NR1D2: variants seen among roughly 807,000 people sequenced by gnomAD.
NR1D2 encodes the protein V-erbA-related protein 1-related.
A neutral mutation model predicts 52.2 loss-of-function variants in NR1D2; 25 were observed. The observed-to-expected ratio is 0.48, with a 90% CI of 0.35 to 0.67. NR1D2 has a LOEUF of 0.67. Ranked by LOEUF, NR1D2 falls within the 30% of genes least tolerant of loss-of-function variation. The probability of loss-of-function intolerance (pLI) is 0.01; values close to 1 mark genes in which losing one functional copy is unlikely to be tolerated. For synonymous variants in NR1D2, 259 were observed against 230.1 expected (o/e 1.13, Z -1.14); for missense variants, 681 against 707.2 (o/e 0.96, Z 0.42).
chr3:23,962,683 A>C lies in NR1D2; in HGVS notation c.1146+78A>C, dbSNP rs1706316512. The C allele has an allele frequency of 5.2e-6, 7 of 1,353,158 alleles. No homozygotes were observed. The East Asian group carries it at 1.6e-4, about 31-fold the overall frequency. 83.8% of individuals were successfully genotyped at this position (1,353,158 alleles called of 1,614,324 possible). ...TTTTCTTTTATTCGGGAGATATGCT[A>C]ACTTGGGGGGATGGTGTCAGGAAAC... On this transcript the variant is annotated intron_variant, in intron 5 of 7. Coordinates refer to ENST00000312521, the MANE Select transcript of NR1D2 (RefSeq NM_005126.5).
At chr3:23,957,007 A>G (rs1462161539) in intron 3 of NR1D2, among the ~76,000 whole-genome samples, 2 of 149,432 alleles carry the variant, frequency 1.3e-5, no homozygotes, top group African/African-American at 4.9e-5. Flanking sequence ...TTTTAGATGG[A>G]GTTTTGCTCT....
At chr3:23,976,824 A>G (rs1301723481) in intron 7 of NR1D2, among the ~76,000 whole-genome samples, 1 of 152,224 alleles carries the variant, frequency 6.6e-6, no homozygotes, top group Non-Finnish European at 1.5e-5. Flanking sequence ...GGGGCTGCCT[A>G]CCACACATGG....
At chr3:23,951,679 A>G (rs1205283795) in intron 1 of NR1D2, among the ~76,000 whole-genome samples, 2 of 152,238 alleles carry the variant, frequency 1.3e-5, no homozygotes, top group Non-Finnish European at 2.9e-5. Context: ...CTTTAAAACT[A>G]TGGGCCAATT....
intron 7 of NR1D2, among the ~76,000 whole-genome samples, chr3:23,971,071 G>A (rs547848933): frequency 4.6e-4 from 70 of 152,078 alleles, no homozygotes; most frequent in African/African-American, 1.5e-3. Context: ...ATGAGCCACC[G>A]TGCCCGGCCA....
chr3:23,957,297 T>C (rs1249770783), intron 3 of NR1D2, among the ~76,000 whole-genome samples: 1 of 151,532 alleles, frequency 6.6e-6, no homozygotes, highest in Non-Finnish European at 1.5e-5. Flanking sequence ...TGCTAACTTT[T>C]AATGGCCGGG....
chr3:23,946,895 T>G (rs1559327831), intron 1 of NR1D2, among the ~76,000 whole-genome samples: 1 of 152,220 alleles, frequency 6.6e-6, no homozygotes, highest in Non-Finnish European at 1.5e-5. Flanking sequence ...AACAGCCAGC[T>G]TTTGTTTTAT....
chr3:23,954,052 G>A (rs184818626), intron 1 of NR1D2, among the ~76,000 whole-genome samples: 1 of 152,330 alleles, frequency 6.6e-6, no homozygotes, highest in African/African-American at 2.4e-5. Context: ...CCAGGCTAGA[G>A]TGCAGTAGCA....
At chr3:23,954,922 T>G in intron 2 of NR1D2, 119 bp downstream of exon 2, 1 of 837,978 alleles carries the variant, frequency 1.2e-6, no homozygotes. Context: ...CCTTGCTGGG[T>G]AATCATACAT....
In NR1D2 at chr3:23,962,470, T is replaced by C; in HGVS notation, c.1011T>C (p.Cys337=). 6.2e-7 allele frequency: 1 copy of C among 1,614,094 alleles called. No individual in the cohort carries two copies. Among genetic ancestry groups the C allele is most frequent in the Non-Finnish European group, 8.5e-7 (1 of 1,179,930 alleles). ...IMHYPNGHAI[C]IANGHCMNFS... ...ATTACCCAAATGGTCATGCCATTTG[T>C]ATTGCAAATGGACATTGTATGAACT... Residue 337 remains cysteine (C), a synonymous_variant, in exon 5 of 8, where the codon TGT becomes TGC. Transcript: ENST00000312521.
intron 2 of NR1D2, among the ~76,000 whole-genome samples, chr3:23,955,622 AG>A (rs1263431085): frequency 6.6e-6 from 1 of 152,144 alleles, no homozygotes; most frequent in Non-Finnish European, 1.5e-5. Context: ...GTTCAAGACC[AG>A]CCTGGGCAAC....
Position 23,945,554 on chromosome 3 carries a change from C to T in NR1D2, c.-25C>T. 3.5e-6 allele frequency: 4 copies of T among 1,156,152 alleles called. No homozygotes were observed. Among genetic ancestry groups the T allele is most frequent in the Non-Finnish European group, 3.2e-6 (3 of 932,610 alleles). 71.6% of individuals were successfully genotyped at this position (1,156,152 alleles called of 1,614,324 possible). A position where few individuals can be genotyped will look rare whatever the true frequency, so the allele number is the denominator to read the frequency against. The stretch of plus-strand genomic sequence containing the variant: ...TGCCCCCTCTGCGGGAAGCGGGCGG[C>T]CCCGGCCGCCTCCGCGAGGGCACCA... On this transcript the variant is annotated 5_prime_UTR_variant, in exon 1 of 8. Coordinates refer to ENST00000312521, the MANE Select transcript of NR1D2 (RefSeq NM_005126.5).
rs151299781 is a variant in NR1D2, at chr3:23,959,179, A to AATTG, written c.373-490_373-487dup. On this transcript the variant is annotated intron_variant, in intron 3 of 7. Coordinates refer to ENST00000312521, the MANE Select transcript of NR1D2 (RefSeq NM_005126.5). ...GCTGTTTGTGAGGCTGTGGTTGGAAAATTGAGCCAGGGAGGTCAGGGCTGC... is the reference window on the plus strand; with the variant it reads ...GCTGTTTGTGAGGCTGTGGTTGGAAAATTGATTGAGCCAGGGAGGTCAGGGCTGC... Among the ~76,000 whole-genome samples, 536 of 151,952 alleles carry AATTG rather than the reference A, an allele frequency of 3.5e-3. 14 individuals carry two copies. The East Asian group carries it at 0.05, about 14-fold the overall frequency.
intron 6 of NR1D2, among the ~76,000 whole-genome samples, chr3:23,967,133 C>G (rs557170357): frequency 1.3e-5 from 2 of 152,286 alleles, no homozygotes; most frequent in African/African-American, 4.8e-5. Context: ...TGAGACCAGC[C>G]TGGTCAACAT....
Position 23,962,253 on chromosome 3 carries a change from TTATG to T in NR1D2, c.798_801del (p.Met266IlefsTer30). ...GTGACCAGAGCTCACAAGGATACCT[TTATG>T]TATAATCAAGAGCAGCAAGAAAACT... On this transcript the variant is annotated frameshift_variant, in exon 5 of 8. Coordinates refer to ENST00000312521, the MANE Select transcript of NR1D2 (RefSeq NM_005126.5). LOFTEE classifies it high-confidence loss of function. The T allele has an allele frequency of 6.2e-7, 1 of 1,614,146 alleles. No individual in the cohort carries two copies. The highest frequency in any genetic ancestry group is 8.5e-7 in the Non-Finnish European group (1 of 1,180,022).
At position 23,977,287 on chromosome 3, in the gene NR1D2, A is replaced by G. The variant is rs1247796395; in HGVS notation, c.1608A>G (p.Leu536=). Residue 536 remains leucine, a synonymous_variant, in exon 8 of 8, where the codon CTA becomes CTG. Coordinates refer to ENST00000312521, the MANE Select transcript of NR1D2 (RefSeq NM_005126.5). Reference sequence around the variant, plus strand: ...TGCAGGAAACTCTCATTCGTGCACTAAGGACCTTAATAATGAAAAACCATC... The same window carrying G: ...TGCAGGAAACTCTCATTCGTGCACTGAGGACCTTAATAATGAAAAACCATC... The part of the protein sequence containing the change: ...EALQETLIRA[L]RTLIMKNHPN... The G allele has an allele frequency of 6.8e-6, 11 of 1,613,164 alleles. No individual in the cohort carries two copies. The highest frequency in any genetic ancestry group is 1.7e-5 in the Admixed American group (1 of 59,874).
Position 23,954,698 on chromosome 3 carries a change from C to G in NR1D2, c.178C>G (p.Leu60Val), listed in dbSNP as rs201515529. The G allele has an allele frequency of 6.2e-7, 1 of 1,614,030 alleles. No individual in the cohort carries two copies. Among genetic ancestry groups the G allele is most frequent in the Admixed American group, 1.7e-5 (1 of 60,026 alleles). Residue 60 changes from leucine to valine, a missense_variant, in exon 2 of 8, where the codon CTC (leucine) becomes GTC (valine). By Grantham distance (32) the Leu-to-Val change is conservative. Coordinates refer to ENST00000312521, the MANE Select transcript of NR1D2 (RefSeq NM_005126.5). ...DTNGNPKNGD[L>V]ANIEGILKND... ...CAATGGTAATCCCAAGAATGGTGAT[C>G]TCGCCAATATTGAAGGCATCTTGAA... is the stretch of plus-strand genomic sequence containing the variant.
intron 5 of NR1D2, among the ~76,000 whole-genome samples, chr3:23,964,498 A>C (rs1450760678): frequency 6.6e-6 from 1 of 152,160 alleles, no homozygotes; most frequent in East Asian, 1.9e-4. Flanking sequence ...ACTAAATGTG[A>C]ATTTGGGCCT....
At position 23,948,793 on chromosome 3, in the gene NR1D2, T is replaced by C. The variant is rs72627096; in HGVS notation, c.16+3199T>C. On this transcript the variant is annotated intron_variant, in intron 1 of 7. Coordinates refer to ENST00000312521, the MANE Select transcript of NR1D2 (RefSeq NM_005126.5). ...CAAACTGTTAACTACTGTGCTATAATGTACTTTAGCCTGCATAATATTTGA... is the reference window on the plus strand; with the variant it reads ...CAAACTGTTAACTACTGTGCTATAACGTACTTTAGCCTGCATAATATTTGA... 3.6e-3 allele frequency among the ~76,000 whole-genome samples: 542 copies of C among 152,364 alleles called. 14 individuals are homozygous for C. In the East Asian group the frequency reaches 0.051, roughly 14 times the overall value.
intron 4 of NR1D2, 75 bp downstream of exon 4, chr3:23,959,890 A>G (rs1706191084): frequency 7.1e-7 from 1 of 1,412,162 alleles, no homozygotes. Flanking sequence ...AACCAGAGCT[A>G]TAAACCGGTT....
Sources: gnomAD v4.1 joint callset for allele counts (sites outside exome capture counted in the v4.1 genomes callset) on GRCh38, gnomAD v4.1.1 for gene constraint, MANE v1.5 for transcripts, NCBI Gene and HGNC (gene_info 2026-07-23, HGNC 2026-07-21) for gene names.